Variants in TMEM232 observed in about 807,000 individuals in gnomAD.
TMEM232 encodes the protein transmembrane protein 232.
Under a neutral mutation model 78.8 loss-of-function variants are expected in TMEM232, and 80 were observed. The ratio of observed to expected loss-of-function variants is 1.01; its 90% CI spans 0.85 to 1.22. The LOEUF (loss-of-function observed/expected upper bound fraction) is 1.22. Ranked by LOEUF, TMEM232 falls within the 50% of genes most tolerant of loss-of-function variation. The probability of loss-of-function intolerance (pLI) is 0.00; values close to 1 mark genes in which losing one functional copy is unlikely to be tolerated. For missense variants in TMEM232, 881 were observed against 742.2 expected (o/e 1.19, Z -2.17); for synonymous variants, 297 against 254.3 (o/e 1.17, Z -1.60).
intron 1 of TMEM232, among the ~76,000 whole-genome samples, chr5:110,706,154 A>C (rs1795911554): frequency 6.6e-6 from 1 of 152,184 alleles, no homozygotes; most frequent in Non-Finnish European, 1.5e-5. Flanking sequence ...TCCCAGCAGC[A>C]AAAGATTGTC....
chr5:110,539,009 C>G (rs540649516), intron 11 of TMEM232, among the ~76,000 whole-genome samples: 10 of 152,260 alleles, frequency 6.6e-5, no homozygotes, highest in Non-Finnish European at 1.2e-4. Context: ...TCCAATCCCC[C>G]TGTTGGGAAG....
chr5:110,599,088 A>G (rs1780555286), intron 10 of TMEM232, among the ~76,000 whole-genome samples: 1 of 152,126 alleles, frequency 6.6e-6, no homozygotes, highest in African/African-American at 2.4e-5. Flanking sequence ...TAAGTGAAGG[A>G]GAAATAAAAT....
At chr5:110,694,880 T>G (rs888963256) in intron 1 of TMEM232, among the ~76,000 whole-genome samples, 1 of 152,110 alleles carries the variant, frequency 6.6e-6, no homozygotes, top group Non-Finnish European at 1.5e-5. Flanking sequence ...ACTGTCAACA[T>G]TAGACAGATC....
At chr5:110,689,384 A>T (rs545301577) in intron 1 of TMEM232, among the ~76,000 whole-genome samples, 5 of 151,622 alleles carry the variant, frequency 3.3e-5, no homozygotes, top group Non-Finnish European at 5.9e-5. Flanking sequence ...ATAGTACTAA[A>T]TTTAAAAATT....
Position 110,421,832 on chromosome 5 carries a change from C to CCCAGGCTTTTTTTTTTGAT in TMEM232, c.1798-1077_1798-1076insATCAAAAAAAAAAGCCTGG, listed in dbSNP as rs1756675181. Among the ~76,000 whole-genome samples the CCCAGGCTTTTTTTTTTGAT allele has an allele frequency of 5.3e-5, 8 of 152,216 alleles. No homozygotes were observed. In the South Asian group the frequency reaches 1.5e-3, roughly 28 times the overall value. On this transcript the variant is annotated intron_variant, in intron 13 of 13. Transcript: ENST00000455884. ...TCATGTTAAACATTAAAAATAAAAG[C>CCCAGGCTTTTTTTTTTGAT]ATAATAATATCAAATCCATTATTTA... is the stretch of plus-strand genomic sequence containing the variant.
intron 1 of TMEM232, chr5:110,725,461 C>A (rs1459887891): frequency 6.6e-6 from 1 of 152,158 alleles, no homozygotes; most frequent in Non-Finnish European, 1.5e-5. Flanking sequence ...AAGACAGGAA[C>A]ATTTATCAAA....
chr5:110,626,642 T>A (rs1484484388), intron 6 of TMEM232, among the ~76,000 whole-genome samples: 2 of 152,024 alleles, frequency 1.3e-5, no homozygotes, highest in East Asian at 3.9e-4. Flanking sequence ...ATAGCTAAGC[T>A]TTTTTTGAAA....
At chr5:110,692,832 C>G (rs934159498) in intron 1 of TMEM232, among the ~76,000 whole-genome samples, 1 of 152,194 alleles carries the variant, frequency 6.6e-6, no homozygotes, top group African/African-American at 2.4e-5. Context: ...CCCATCACAG[C>G]TCAAGGAGGC....
chr5:110,589,939 T>C (rs953835238), intron 10 of TMEM232, among the ~76,000 whole-genome samples: 1 of 152,156 alleles, frequency 6.6e-6, no homozygotes, highest in African/African-American at 2.4e-5. Context: ...TTTGAGACTA[T>C]GCTGAAAAAA....
intron 2 of TMEM232, among the ~76,000 whole-genome samples, chr5:110,662,105 T>C (rs1481485005): frequency 6.6e-6 from 1 of 152,194 alleles, no homozygotes; most frequent in African/African-American, 2.4e-5. Flanking sequence ...GACAAAGATA[T>C]TCAGAATTAA....
chr5:110,490,577 A>G (rs1764976092), intron 12 of TMEM232, among the ~76,000 whole-genome samples: 1 of 152,110 alleles, frequency 6.6e-6, no homozygotes, highest in Admixed American at 6.6e-5. Context: ...AAGAATAATA[A>G]AACTTTGAAG....
intron 2 of TMEM232, among the ~76,000 whole-genome samples, chr5:110,660,612 A>C (rs1789649356): frequency 6.6e-6 from 1 of 152,168 alleles, no homozygotes; most frequent in Non-Finnish European, 1.5e-5. Context: ...GTAGAATACC[A>C]GATAGTTTGA....
chr5:110,526,025 CAA>C (rs758110596), intron 12 of TMEM232, among the ~76,000 whole-genome samples: 10 of 47,806 alleles, frequency 2.1e-4, no homozygotes, highest in African/African-American at 5.1e-4. Flanking sequence ...CACCATACAC[CAA>C]AAAAAAAAAA....
At chr5:110,667,551 G>T in intron 1 of TMEM232, 187 bp from the exon 2 acceptor site, 1 of 391,356 alleles carries the variant, frequency 2.6e-6, no homozygotes, top group South Asian at 4.6e-5. Context: ...AGTACAAAAA[G>T]TTACTATTAT....
intron 1 of TMEM232, among the ~76,000 whole-genome samples, chr5:110,692,077 C>A (rs192597907): frequency 7.2e-5 from 11 of 152,074 alleles, no homozygotes; most frequent in Non-Finnish European, 1.5e-4. Flanking sequence ...CCCGCCACCA[C>A]GCTCGGCTAA....
intron 11 of TMEM232, among the ~76,000 whole-genome samples, chr5:110,536,840 T>C (rs562883919): frequency 6.6e-6 from 1 of 152,154 alleles, no homozygotes; most frequent in Admixed American, 6.5e-5. Context: ...CAGGAACTGA[T>C]GTACAATCTA....
intron 3 of TMEM232, among the ~76,000 whole-genome samples, chr5:110,391,291 A>ATGTG (rs369913835): frequency 0.62 from 80,449 of 130,412 alleles, 27,493 homozygotes; most frequent in Non-Finnish European, 0.77. Flanking sequence ...TCCCGTTTGA[A>ATGTG]TGTGTGTGTG....
At chr5:110,429,754 T>G (rs73782491) in intron 12 of TMEM232, 1 of 151,750 alleles carries the variant, frequency 6.6e-6, no homozygotes, top group South Asian at 2.1e-4. Context: ...CTGGGTACCA[T>G]AGACTCACTG....
chr5:110,458,308 C>G (rs965645868), intron 12 of TMEM232, among the ~76,000 whole-genome samples: 2 of 151,334 alleles, frequency 1.3e-5, no homozygotes, highest in Non-Finnish European at 2.9e-5. Context: ...CTCCAGTGCT[C>G]TAGTACAAAA....
Sources: allele counts gnomAD v4.1 joint callset (sites outside exome capture counted in the v4.1 genomes callset), GRCh38; gene constraint gnomAD v4.1.1; transcripts MANE v1.5; gene names NCBI Gene and HGNC (gene_info 2026-07-23, HGNC 2026-07-21).